Variants in RBP2 observed in about 807,000 individuals in gnomAD.
RBP2 encodes retinol binding protein 2, also known as retinol-binding protein 2.
A neutral mutation model predicts 17.0 loss-of-function variants in RBP2; 17 were observed. The observed-to-expected ratio is 1.00, with a 90% confidence interval of 0.68 to 1.50. The LOEUF is 1.50. Among genes scored for constraint, RBP2 ranks in the 40% most tolerant of loss-of-function variants. RBP2 has a pLI of 0.00. For missense variants in RBP2, 158 were observed against 168.2 expected (o/e 0.94, Z 0.33); for synonymous variants, 48 against 57.1 (o/e 0.84, Z 0.72).
At chr3:139,458,151 A>G (rs1393232718) in intron 2 of RBP2, among the ~76,000 whole-genome samples, 1 of 151,852 alleles carries the variant, frequency 6.6e-6, no homozygotes, top group African/African-American at 2.4e-5. Context: ...TTTTTGTTAT[A>G]TTCTTGTAAC....
chr3:139,476,452 C>A lies in RBP2; in HGVS notation c.8G>T (p.Arg3Met). The change falls in exon 1 of 4, where the codon AGG (arginine) becomes ATG (methionine). Residue 3 changes from arginine (R) to methionine (M), a missense_variant. Coordinates refer to ENST00000232217, the MANE Select transcript of RBP2 (RefSeq NM_004164.3). ...CATCTCCCAGGTTCCATTCTGGTCC[C>A]TTGTCATGGTGGTGGCCACTGGTTC... MT[R>M]DQNGTWEMES... The A allele has an allele frequency of 6.2e-7, 1 of 1,613,958 alleles. No individual in the cohort carries two copies.
At chr3:139,461,378 C>T (rs1362224481) in intron 2 of RBP2, among the ~76,000 whole-genome samples, 1 of 152,146 alleles carries the variant, frequency 6.6e-6, no homozygotes, top group Non-Finnish European at 1.5e-5. Flanking sequence ...CATCTATATT[C>T]AGTAGTTCAA....
chr3:139,462,663 A>G (rs959559419), intron 1 of RBP2, among the ~76,000 whole-genome samples: 2 of 151,984 alleles, frequency 1.3e-5, no homozygotes, highest in African/African-American at 4.8e-5. Flanking sequence ...GAACAAAAAG[A>G]TCTCATGATT....
chr3:139,469,564 G>A (rs1000649028), intron 1 of RBP2, among the ~76,000 whole-genome samples: 1 of 152,148 alleles, frequency 6.6e-6, no homozygotes, highest in Non-Finnish European at 1.5e-5. Context: ...TATGGTTCAA[G>A]TAGAGACTTT....
intron 1 of RBP2, among the ~76,000 whole-genome samples, chr3:139,465,860 G>C (rs1423371241): frequency 6.6e-6 from 1 of 152,182 alleles, no homozygotes; most frequent in Non-Finnish European, 1.5e-5. Context: ...CACCTCTGTG[G>C]CTTATGGAAT....
In RBP2 at chr3:139,457,789, A is replaced by G. The variant is rs533464089; in HGVS notation, c.253-2959T>C. On this transcript the variant is annotated intron_variant, in intron 2 of 3. Transcript: ENST00000232217. ...AAAGCCCTTCTTTCTCAGCTAGGGGATAAAGAAGGAGTACATTCCAAGGGC... is the reference window on the plus strand; with the variant it reads ...AAAGCCCTTCTTTCTCAGCTAGGGGGTAAAGAAGGAGTACATTCCAAGGGC... 7.8e-4 allele frequency among the ~76,000 whole-genome samples: 119 copies of G among 152,294 alleles called. 2 individuals are homozygous for G. Among genetic ancestry groups the G allele is most frequent in the Admixed American group, 3.3e-3 (51 of 15,286 alleles).
intron 2 of RBP2, among the ~76,000 whole-genome samples, chr3:139,459,281 CA>C: frequency 6.6e-6 from 1 of 151,978 alleles, no homozygotes; most frequent in African/African-American, 2.4e-5. Context: ...AGAGGCCAGG[CA>C]TGGTGGCTCA....
intron 1 of RBP2, among the ~76,000 whole-genome samples, chr3:139,470,265 G>A (rs1933518325): frequency 6.6e-6 from 1 of 152,134 alleles, no homozygotes; most frequent in African/African-American, 2.4e-5. Context: ...TCAGGCCTAA[G>A]CCTGGGACCC....
intron 2 of RBP2, among the ~76,000 whole-genome samples, chr3:139,458,676 G>C (rs1933070299): frequency 6.6e-6 from 1 of 152,104 alleles, no homozygotes; most frequent in African/African-American, 2.4e-5. Flanking sequence ...GAATTTGCCT[G>C]TTCTGGACGT....
intron 1 of RBP2, 97 bp downstream of exon 1, chr3:139,476,290 C>T: frequency 1.0e-6 from 1 of 960,146 alleles, no homozygotes; most frequent in East Asian, 2.4e-5. Flanking sequence ...GAGGATTTGC[C>T]ACAGGTCTGT....
chr3:139,472,627 T>A (rs1327121972), intron 1 of RBP2, among the ~76,000 whole-genome samples: 1 of 152,164 alleles, frequency 6.6e-6, no homozygotes, highest in African/African-American at 2.4e-5. Flanking sequence ...GACATGCATA[T>A]GAGTAAGGAA....
chr3:139,462,489 C>G (rs1288203979), intron 1 of RBP2, among the ~76,000 whole-genome samples, 199 bp from the exon 2 acceptor site: 1 of 151,226 alleles, frequency 6.6e-6, no homozygotes, highest in Non-Finnish European at 1.5e-5. Flanking sequence ...AGTCTCCTGG[C>G]ACCTCCTCAG....
intron 1 of RBP2, among the ~76,000 whole-genome samples, chr3:139,464,814 A>G (rs1933305200): frequency 6.6e-6 from 1 of 152,162 alleles, no homozygotes; most frequent in African/African-American, 2.4e-5. Flanking sequence ...AGTGGGTCCC[A>G]AAGCTAGTTT....
At chr3:139,460,257 C>A (rs1933141772) in intron 2 of RBP2, among the ~76,000 whole-genome samples, 2 of 152,162 alleles carry the variant, frequency 1.3e-5, no homozygotes, top group South Asian at 4.1e-4. Flanking sequence ...CCAGATGGTT[C>A]ACAGGTTCAG....
chr3:139,461,983 AG>A, intron 2 of RBP2, 128 bp downstream of exon 2: 1 of 936,388 alleles, frequency 1.1e-6, no homozygotes. Context: ...AGCATGATTA[AG>A]GCCATCCTGG....
chr3:139,453,497 T>C (rs1943346314), intron 3 of RBP2, among the ~76,000 whole-genome samples: 1 of 152,136 alleles, frequency 6.6e-6, no homozygotes, highest in South Asian at 2.1e-4. Flanking sequence ...AAGGACCTAG[T>C]GTAGAGAAGT....
chr3:139,467,110 C>G (rs1468265461), intron 1 of RBP2, among the ~76,000 whole-genome samples: 1 of 152,162 alleles, frequency 6.6e-6, no homozygotes, highest in Non-Finnish European at 1.5e-5. Context: ...CCCCACCACA[C>G]CATCATAGAA....
At chr3:139,457,501 C>T (rs1423563639) in intron 2 of RBP2, among the ~76,000 whole-genome samples, 1 of 152,148 alleles carries the variant, frequency 6.6e-6, no homozygotes, top group Non-Finnish European at 1.5e-5. Context: ...ATTTTAATAA[C>T]TCATACTGGA....
chr3:139,462,334 G>C, intron 1 of RBP2, 44 bp from the exon 2 acceptor site: 1 of 1,588,978 alleles, frequency 6.3e-7, no homozygotes, highest in Non-Finnish European at 8.6e-7. Flanking sequence ...TGCTCAGCCA[G>C]ACTCATTCAT....
Sources: gnomAD v4.1 joint callset for allele counts (sites outside exome capture counted in the v4.1 genomes callset) on GRCh38, gnomAD v4.1.1 for gene constraint, MANE v1.5 for transcripts, NCBI Gene and HGNC (gene_info 2026-07-23, HGNC 2026-07-21) for gene names.